SUSD4: variants seen among roughly 807,000 people sequenced by gnomAD.
The protein encoded by SUSD4 is sushi domain-containing protein 4.
In SUSD4, 41 loss-of-function variants were observed where a neutral mutation model predicts 50.5. That is an observed-to-expected ratio of 0.81 (90% CI 0.63 to 1.05). The LOEUF (loss-of-function observed/expected upper bound fraction) is 1.05, where lower values mean the gene tolerates loss of function less well. Ranked by LOEUF, SUSD4 falls within the 50% of genes least tolerant of loss-of-function variation. The pLI is 0.00. For synonymous variants in SUSD4, 257 were observed against 257.3 expected, an observed-to-expected ratio of 1.00 and a Z score of 0.01; for missense variants, 580 against 634.7, an observed-to-expected ratio of 0.91 and a Z score of 0.93.
chr1:223,287,027 G>A (rs1324992427), intron 3 of SUSD4, among the ~76,000 whole-genome samples: 1 of 152,210 alleles, frequency 6.6e-6, no homozygotes, highest in Non-Finnish European at 1.5e-5. Flanking sequence ...TGCTGTCAGA[G>A]CAAGGAAAAC....
At chr1:223,254,500 T>C (rs975362138) in intron 5 of SUSD4, among the ~76,000 whole-genome samples, 14 of 152,218 alleles carry the variant, frequency 9.2e-5, no homozygotes, top group African/African-American at 3.1e-4. Context: ...GGTCTTAAGC[T>C]AGTGAACAGC....
chr1:223,241,454 T>C (rs1368116939), intron 5 of SUSD4, among the ~76,000 whole-genome samples: 4 of 152,190 alleles, frequency 2.6e-5, no homozygotes, highest in Non-Finnish European at 5.9e-5. Context: ...CCTTGGTGGT[T>C]TCCACCTGTG....
chr1:223,341,897 G>A (rs1237004016), intron 2 of SUSD4, among the ~76,000 whole-genome samples: 4 of 152,022 alleles, frequency 2.6e-5, no homozygotes, highest in African/African-American at 9.6e-5. Flanking sequence ...ACCCCCATCT[G>A]CGCCAAGTTA....
chr1:223,257,583 T>C (rs111706059), intron 5 of SUSD4, among the ~76,000 whole-genome samples: 6 of 152,174 alleles, frequency 3.9e-5, no homozygotes, highest in East Asian at 1.9e-4. Flanking sequence ...GAAAGGGAAA[T>C]TGGTGATGCC....
At chr1:223,253,100 A>G (rs1199508707) in intron 5 of SUSD4, among the ~76,000 whole-genome samples, 2 of 152,024 alleles carry the variant, frequency 1.3e-5, no homozygotes, top group Non-Finnish European at 2.9e-5. Flanking sequence ...TTCCAAAAAA[A>G]AAAAAGAAAA....
chr1:223,346,747 C>T (rs373122640), intron 2 of SUSD4, among the ~76,000 whole-genome samples: 3 of 152,310 alleles, frequency 2.0e-5, no homozygotes, highest in African/African-American at 7.2e-5. Flanking sequence ...TAAAGCACTT[C>T]AAAAGTGCCT....
intron 3 of SUSD4, among the ~76,000 whole-genome samples, chr1:223,270,560 C>T (rs929207488): frequency 6.6e-6 from 1 of 152,032 alleles, no homozygotes; most frequent in Non-Finnish European, 1.5e-5. Context: ...TGTTTCAGGC[C>T]GCGAAAAGGG....
intron 2 of SUSD4, among the ~76,000 whole-genome samples, chr1:223,297,837 A>T (rs1357592582): frequency 6.6e-6 from 1 of 152,188 alleles, no homozygotes; most frequent in Admixed American, 6.5e-5. Flanking sequence ...TAAAGTGGAC[A>T]TTCTACAAGT....
intron 2 of SUSD4, among the ~76,000 whole-genome samples, chr1:223,338,664 G>A (rs1457972056): frequency 6.6e-6 from 1 of 152,248 alleles, no homozygotes; most frequent in Non-Finnish European, 1.5e-5. Context: ...AGCATGGGGA[G>A]AAGGGGTGAT....
At chr1:223,223,138 T>C (rs1316152357) in intron 8 of SUSD4, 111 bp downstream of exon 8, 9 of 1,409,514 alleles carry the variant, frequency 6.4e-6, no homozygotes, top group South Asian at 1.7e-5. Flanking sequence ...GGTAAACAGA[T>C]TGATTCGACT....
chr1:223,241,325 C>T (rs886566908), intron 5 of SUSD4, among the ~76,000 whole-genome samples: 2 of 152,142 alleles, frequency 1.3e-5, no homozygotes, highest in East Asian at 1.9e-4. Flanking sequence ...AGTATGGAGG[C>T]CCCCCATGAC....
intron 2 of SUSD4, among the ~76,000 whole-genome samples, chr1:223,350,077 G>A (rs908331582): frequency 3.9e-5 from 6 of 152,174 alleles, no homozygotes; most frequent in African/African-American, 9.7e-5. Flanking sequence ...CTGCAACCCA[G>A]GAAGAGAGCC....
At chr1:223,290,429 C>A (rs922303158) in intron 3 of SUSD4, among the ~76,000 whole-genome samples, 2 of 152,296 alleles carry the variant, frequency 1.3e-5, no homozygotes, top group Admixed American at 6.5e-5. Context: ...CAAAGACCAA[C>A]AAAATTACCA....
intron 3 of SUSD4, among the ~76,000 whole-genome samples, chr1:223,286,413 C>A (rs1329088774): frequency 6.6e-6 from 1 of 152,164 alleles, no homozygotes; most frequent in Non-Finnish European, 1.5e-5. Context: ...CCGCACCTGG[C>A]CAATTTTTTG....
intron 2 of SUSD4, among the ~76,000 whole-genome samples, chr1:223,330,510 G>T (rs78431892): frequency 0.015 from 2,344 of 152,182 alleles, 31 homozygotes; most frequent in Non-Finnish European, 0.024. Flanking sequence ...AACAACAAAC[G>T]AGAAAATAAA....
intron 2 of SUSD4, among the ~76,000 whole-genome samples, chr1:223,316,432 T>C (rs1419516893): frequency 1.3e-5 from 2 of 152,010 alleles, no homozygotes; most frequent in African/African-American, 4.8e-5. Flanking sequence ...TCCACTCTCC[T>C]CCACACTCCT....
At chr1:223,311,181 G>T (rs767452230) in intron 2 of SUSD4, among the ~76,000 whole-genome samples, 7 of 152,228 alleles carry the variant, frequency 4.6e-5, no homozygotes, top group Non-Finnish European at 8.8e-5. Context: ...GTCTGTTCAG[G>T]ATTGATAATG....
intron 2 of SUSD4, among the ~76,000 whole-genome samples, chr1:223,315,397 C>T (rs1433029601): frequency 6.6e-6 from 1 of 152,220 alleles, no homozygotes; most frequent in African/African-American, 2.4e-5. Context: ...TATTGCAGAA[C>T]CTAAGATTGG....
At chr1:223,351,963 A>G (rs1377157553) in intron 2 of SUSD4, among the ~76,000 whole-genome samples, 1 of 151,896 alleles carries the variant, frequency 6.6e-6, no homozygotes, top group Non-Finnish European at 1.5e-5. Flanking sequence ...CAGGCACTAT[A>G]GGAAAACGCC....
Sources: allele counts gnomAD v4.1 joint callset (sites outside exome capture counted in the v4.1 genomes callset), GRCh38; gene constraint gnomAD v4.1.1; transcripts MANE v1.5; gene names NCBI Gene and HGNC (gene_info 2026-07-23, HGNC 2026-07-21).